Variants in CNTN5 observed in about 807,000 individuals in gnomAD.
CNTN5 encodes contactin 5.
In CNTN5, 77 loss-of-function variants were observed where a neutral mutation model predicts 129.1. That is an observed-to-expected ratio of 0.60 (90% CI 0.50 to 0.72). CNTN5 has a LOEUF of 0.72. Among genes scored for constraint, CNTN5 ranks in the 30% least tolerant of loss-of-function variants. The pLI, the probability that CNTN5 is intolerant of heterozygous loss-of-function variation, is 0.00. For synonymous variants in CNTN5, 509 were observed against 465.6 expected, an observed-to-expected ratio of 1.09 and a Z score of -1.20; for missense variants, 1,478 against 1,328.8, an observed-to-expected ratio of 1.11 and a Z score of -1.75.
At chr11:99,022,144 C>A (rs1862900531) in intron 1 of CNTN5, among the ~76,000 whole-genome samples, 1 of 152,096 alleles carries the variant, frequency 6.6e-6, no homozygotes, top group South Asian at 2.1e-4. Context: ...ACATTTCATT[C>A]ATTTGTTTCT....
intron 9 of CNTN5, among the ~76,000 whole-genome samples, chr11:100,037,647 C>G (rs541248619): frequency 1.3e-5 from 2 of 152,090 alleles, no homozygotes; most frequent in Non-Finnish European, 2.9e-5. Context: ...AATTTCAGCT[C>G]CTGTTGTTGG....
At chr11:100,247,241 T>G (rs1949859716) in intron 16 of CNTN5, among the ~76,000 whole-genome samples, 1 of 152,120 alleles carries the variant, frequency 6.6e-6, no homozygotes, top group East Asian at 1.9e-4. Flanking sequence ...GGTGATAGAT[T>G]AGATACAGGA....
At chr11:99,215,416 G>A (rs545829158) in intron 1 of CNTN5, among the ~76,000 whole-genome samples, 1 of 152,016 alleles carries the variant, frequency 6.6e-6, no homozygotes, top group Non-Finnish European at 1.5e-5. Context: ...AATAGATTTC[G>A]GAGAATTTGG....
intron 1 of CNTN5, among the ~76,000 whole-genome samples, chr11:99,301,913 G>T (rs1477886065): frequency 1.3e-5 from 2 of 151,142 alleles, no homozygotes; most frequent in Non-Finnish European, 3.0e-5. Context: ...AATTAAATAT[G>T]AAAAAGAGAA....
chr11:99,632,928 G>C (rs570842087), intron 3 of CNTN5, among the ~76,000 whole-genome samples: 1 of 152,156 alleles, frequency 6.6e-6, no homozygotes, highest in African/African-American at 2.4e-5. Context: ...TTTGAGTTCT[G>C]AGACAAAATA....
intron 3 of CNTN5, among the ~76,000 whole-genome samples, chr11:99,595,942 G>A (rs558709379): frequency 6.6e-6 from 1 of 152,096 alleles, no homozygotes; most frequent in Admixed American, 6.6e-5. Context: ...TATCACTTGG[G>A]AACTTGTTAG....
chr11:99,433,508 A>G (rs1046456583), intron 2 of CNTN5, among the ~76,000 whole-genome samples: 6 of 151,922 alleles, frequency 3.9e-5, no homozygotes, highest in Admixed American at 2.0e-4. Context: ...ATTTCTAGTA[A>G]GGTGCCTAGT....
At chr11:99,740,015 A>G (rs925005629) in intron 3 of CNTN5, among the ~76,000 whole-genome samples, 1 of 151,768 alleles carries the variant, frequency 6.6e-6, no homozygotes, top group Admixed American at 6.6e-5. Flanking sequence ...TTGGTGATAA[A>G]TCTATCTTCG....
chr11:100,202,531 A>G (rs1827418860), intron 15 of CNTN5, among the ~76,000 whole-genome samples: 1 of 149,978 alleles, frequency 6.7e-6, no homozygotes, highest in Admixed American at 6.7e-5. Context: ...TCTATTAAAT[A>G]TAGATATATA....
At chr11:99,510,296 T>C (rs1946786822) in intron 2 of CNTN5, among the ~76,000 whole-genome samples, 1 of 152,066 alleles carries the variant, frequency 6.6e-6, no homozygotes, top group Non-Finnish European at 1.5e-5. Flanking sequence ...TATCTGTTGT[T>C]ATAGGTGTGG....
chr11:99,818,510 C>G (rs1946667377), intron 3 of CNTN5, among the ~76,000 whole-genome samples: 1 of 152,202 alleles, frequency 6.6e-6, no homozygotes, highest in Admixed American at 6.5e-5. Context: ...CCCACCTCGG[C>G]TTCCCTGAGT....
intron 1 of CNTN5, among the ~76,000 whole-genome samples, chr11:99,324,172 T>G (rs1201705553): frequency 6.6e-6 from 1 of 152,222 alleles, no homozygotes; most frequent in Non-Finnish European, 1.5e-5. Context: ...CAATACCCTT[T>G]GGTAGTGACA....
At chr11:99,042,813 G>C (rs972923772) in intron 1 of CNTN5, among the ~76,000 whole-genome samples, 42 of 148,616 alleles carry the variant, frequency 2.8e-4, no homozygotes, top group African/African-American at 1.1e-3. Context: ...GACGCAGTCT[G>C]GGACAGGTGT....
intron 9 of CNTN5, among the ~76,000 whole-genome samples, chr11:100,054,697 C>A (rs917638927): frequency 2.6e-5 from 4 of 151,696 alleles, no homozygotes; most frequent in Non-Finnish European, 5.9e-5. Flanking sequence ...TACCCGTTTT[C>A]ATTTTTATGT....
intron 2 of CNTN5, among the ~76,000 whole-genome samples, chr11:99,385,500 G>A (rs1456452930): frequency 2.0e-5 from 3 of 152,050 alleles, no homozygotes. Context: ...TGTTAACAAA[G>A]GAGAAAAATA....
At chr11:99,063,265 T>C (rs115417288) in intron 1 of CNTN5, among the ~76,000 whole-genome samples, 1,726 of 152,176 alleles carry the variant, frequency 0.011, 27 homozygotes, top group African/African-American at 0.039. Flanking sequence ...TTCGAGGACA[T>C]GCTTCTCTTT....
chr11:99,683,923 A>C (rs1049311029), intron 3 of CNTN5, among the ~76,000 whole-genome samples: 4 of 151,880 alleles, frequency 2.6e-5, no homozygotes, highest in African/African-American at 9.7e-5. Flanking sequence ...TAACATATGT[A>C]GTATCTCACA....
rs552256850 is a variant in CNTN5, at chr11:99,405,472, T to A, written c.-71+79988T>A. On this transcript the variant is annotated intron_variant, in intron 2 of 24. Coordinates refer to ENST00000524871, the MANE Select transcript of CNTN5 (RefSeq NM_014361.4). The stretch of plus-strand genomic sequence containing the variant: ...CTCACTAATTCTTTCTTCTGCTTGA[T>A]CGTTTCTTCTATTAAAGGACTCTGA... 3.3e-5 allele frequency among the ~76,000 whole-genome samples: 5 copies of A among 152,150 alleles called. No individual in the cohort carries two copies. The East Asian group carries it at 9.7e-4, about 30-fold the overall frequency.
At chr11:99,463,719 A>G (rs941823239) in intron 2 of CNTN5, among the ~76,000 whole-genome samples, 4 of 152,122 alleles carry the variant, frequency 2.6e-5, no homozygotes, top group African/African-American at 4.8e-5. Flanking sequence ...TTGTTTGACT[A>G]AAAGTACCTA....
Sources: allele counts gnomAD v4.1 joint callset (sites outside exome capture counted in the v4.1 genomes callset), GRCh38; gene constraint gnomAD v4.1.1; transcripts MANE v1.5; gene names NCBI Gene and HGNC (gene_info 2026-07-23, HGNC 2026-07-21).